RHOA: variants seen among roughly 807,000 people sequenced by gnomAD.
RHOA encodes the protein ras homolog family member A, also known as transforming protein RhoA.
A neutral mutation model predicts 17.5 loss-of-function variants in RHOA; 3 were observed. The ratio of observed to expected loss-of-function variants is 0.17; its 90% confidence interval spans 0.08 to 0.44. The LOEUF (loss-of-function observed/expected upper bound fraction) is 0.44, where lower values mean the gene tolerates loss of function less well. RHOA is among the 20% of genes least tolerant of loss of function. RHOA has a pLI of 0.99. For missense variants in RHOA, 56 were observed against 242.3 expected (o/e 0.23, Z 5.10); for synonymous variants, 98 against 88.4 (o/e 1.11, Z -0.61).
intron 1 of RHOA, among the ~76,000 whole-genome samples, chr3:49,408,955 G>A (rs1438401766): frequency 2.6e-5 from 4 of 151,818 alleles, no homozygotes; most frequent in African/African-American, 7.3e-5. Flanking sequence ...ACCACACCCA[G>A]CTAATTTTTT....
chr3:49,381,921 C>T (rs1223489798), intron 1 of RHOA, among the ~76,000 whole-genome samples: 1 of 151,834 alleles, frequency 6.6e-6, no homozygotes, highest in African/African-American at 2.4e-5. Context: ...TGTGGCAACT[C>T]ATGCCTGTAA....
chr3:49,400,144 G>A (rs867558924), intron 1 of RHOA, among the ~76,000 whole-genome samples: 14 of 150,986 alleles, frequency 9.3e-5, no homozygotes, highest in African/African-American at 2.2e-4. Context: ...CCCGGGAGGC[G>A]GAGCTTGCAG....
chr3:49,369,158 G>A (rs2048110670), intron 2 of RHOA, among the ~76,000 whole-genome samples: 1 of 148,650 alleles, frequency 6.7e-6, no homozygotes, highest in Non-Finnish European at 1.5e-5. Flanking sequence ...TGAGCAGCTG[G>A]GACTACAGGC....
chr3:49,364,616 G>A (rs552770887), intron 3 of RHOA, among the ~76,000 whole-genome samples: 40 of 151,680 alleles, frequency 2.6e-4, no homozygotes, highest in African/African-American at 8.0e-4. Context: ...AGCCAAGATC[G>A]TGCCACTGCC....
chr3:49,392,101 T>G (rs2107881337), intron 1 of RHOA, among the ~76,000 whole-genome samples: 1 of 152,160 alleles, frequency 6.6e-6, no homozygotes, highest in Non-Finnish European at 1.5e-5. Context: ...GTGCTGGGAT[T>G]ACAGGCGTGA....
At position 49,374,090 on chromosome 3, in the gene RHOA, C is replaced by T. The variant is rs148122693; in HGVS notation, c.156+1344G>A. 9.7e-4 allele frequency among the ~76,000 whole-genome samples: 148 copies of T among 152,234 alleles called. No individual in the cohort carries two copies. In the Middle Eastern group the frequency reaches 0.02, roughly 21 times the overall value. On this transcript the variant is annotated intron_variant, in intron 2 of 4. Transcript: ENST00000418115. ...TTTTGGCCGGGCACAGTGGCTCATG[C>T]CTGTAATCCCAGCACTTTGGGAGGC... is the stretch of plus-strand genomic sequence containing the variant.
chr3:49,367,476 C>G (rs1425939378), intron 3 of RHOA, among the ~76,000 whole-genome samples: 1 of 151,310 alleles, frequency 6.6e-6, no homozygotes, highest in Non-Finnish European at 1.5e-5. Flanking sequence ...TAAGACAGGG[C>G]AACCAAAAAA....
chr3:49,393,676 C>CTGTGTGTGTGTGTG lies in RHOA; in HGVS notation c.-2-18099_-2-18086dup, dbSNP rs71080504. On this transcript the variant is annotated intron_variant, in intron 1 of 4. Transcript: ENST00000418115. ...AGGTCCCTTGTCTCAAATTCTCTCT[C>CTGTGTGTGTGTGTG]TGTGTGTGTGTGTGTGTGTGTGTGT... Among the ~76,000 whole-genome samples, 32 of 10,356 alleles carry CTGTGTGTGTGTGTG rather than the reference C, an allele frequency of 3.1e-3. 1 individual carries two copies. The highest frequency in any genetic ancestry group is 7.3e-3 in the African/African-American group (31 of 4,228). The allele number at this position is 10,356 out of a possible 152,430, so 6.8% of individuals were successfully genotyped here. A position where few individuals can be genotyped will look rare whatever the true frequency, so the allele number is the denominator to read the frequency against.
chr3:49,382,739 G>A (rs983184473), intron 1 of RHOA, among the ~76,000 whole-genome samples: 2 of 152,156 alleles, frequency 1.3e-5, no homozygotes, highest in Non-Finnish European at 1.5e-5. Context: ...GCAAAGAAAC[G>A]TCAACAGGAA....
chr3:49,407,880 G>A (rs2107913782), intron 1 of RHOA, among the ~76,000 whole-genome samples: 1 of 152,172 alleles, frequency 6.6e-6, no homozygotes, highest in South Asian at 2.1e-4. Context: ...GCTTAAATAT[G>A]GCCAGACATA....
chr3:49,403,542 C>G (rs956922868), intron 1 of RHOA, among the ~76,000 whole-genome samples: 1 of 150,950 alleles, frequency 6.6e-6, no homozygotes, highest in African/African-American at 2.4e-5. Flanking sequence ...AGTGAGACCC[C>G]TCTCTCTACA....
chr3:49,370,123 T>C (rs1164767803), intron 2 of RHOA, among the ~76,000 whole-genome samples: 1 of 151,582 alleles, frequency 6.6e-6, no homozygotes, highest in Non-Finnish European at 1.5e-5. Context: ...GGTGCACGCC[T>C]GTAGTCCCAG....
intron 1 of RHOA, among the ~76,000 whole-genome samples, chr3:49,398,634 TA>T (rs1287045970): frequency 6.8e-6 from 1 of 146,496 alleles, no homozygotes; most frequent in East Asian, 2.0e-4. Flanking sequence ...CCATCCTGGC[TA>T]AAACACCATG....
intron 2 of RHOA, among the ~76,000 whole-genome samples, chr3:49,369,894 C>A (rs1423276205): frequency 6.6e-6 from 1 of 152,052 alleles, no homozygotes; most frequent in Non-Finnish European, 1.5e-5. Flanking sequence ...GTGGAGAAAC[C>A]CCATCTCTAC....
intron 1 of RHOA, among the ~76,000 whole-genome samples, chr3:49,391,092 C>T (rs1445281370): frequency 1.3e-5 from 2 of 151,906 alleles, no homozygotes; most frequent in Non-Finnish European, 2.9e-5. Context: ...GTGGCATGCA[C>T]CTGTAGTCCC....
At chr3:49,376,525 C>T (rs1217217325) in intron 1 of RHOA, among the ~76,000 whole-genome samples, 3 of 151,320 alleles carry the variant, frequency 2.0e-5, no homozygotes, top group Non-Finnish European at 4.4e-5. Context: ...CACCTGTAGT[C>T]CCAGCTACTT....
intron 1 of RHOA, among the ~76,000 whole-genome samples, chr3:49,390,623 A>G (rs1474274178): frequency 6.6e-6 from 1 of 152,194 alleles, no homozygotes; most frequent in Admixed American, 6.6e-5. Context: ...ACCAGTCAAC[A>G]TGTAAAAGGA....
intron 2 of RHOA, among the ~76,000 whole-genome samples, 159 bp from the exon 3 acceptor site, chr3:49,368,707 C>CTTTTTTTT (rs374609508): frequency 2.8e-4 from 36 of 130,284 alleles, no homozygotes; most frequent in Non-Finnish European, 4.5e-4. Context: ...TTTCTTTTTT[C>CTTTTTTTT]TTTTTTTTTT....
At chr3:49,388,195 T>G (rs1188241798) in intron 1 of RHOA, among the ~76,000 whole-genome samples, 2 of 151,466 alleles carry the variant, frequency 1.3e-5, no homozygotes, top group Non-Finnish European at 2.9e-5. Flanking sequence ...TTTGTGTGGG[T>G]GTGTGTGTGG....
Sources: gnomAD v4.1 joint callset for allele counts (sites outside exome capture counted in the v4.1 genomes callset) on GRCh38, gnomAD v4.1.1 for gene constraint, MANE v1.5 for transcripts, NCBI Gene and HGNC (gene_info 2026-07-23, HGNC 2026-07-21) for gene names.